CLSPN: variants seen among roughly 807,000 people sequenced by gnomAD.
CLSPN encodes the protein claspin homolog.
In CLSPN, 85 loss-of-function variants were observed where a neutral mutation model predicts 156.3. The observed-to-expected ratio is 0.54, with a 90% CI of 0.46 to 0.65. CLSPN has a LOEUF of 0.65. Ranked by LOEUF, CLSPN falls within the 30% of genes least tolerant of loss-of-function variation. The pLI is 0.00. For missense variants in CLSPN, 1,407 were observed against 1,554.9 expected (o/e 0.90, Z 1.60); for synonymous variants, 534 against 542.4 (o/e 0.98, Z 0.22).
intron 10 of CLSPN, 108 bp from the exon 11 acceptor site, chr1:35,749,919 AT>A (rs1220271216): frequency 7.0e-6 from 9 of 1,279,620 alleles, no homozygotes; most frequent in Non-Finnish European, 9.5e-6. Flanking sequence ...CACATCTTAA[AT>A]TCAAAAAGGT....
intron 21 of CLSPN, 38 bp from the exon 22 acceptor site, chr1:35,738,135 T>G: frequency 1.7e-6 from 1 of 596,946 alleles, no homozygotes; most frequent in Non-Finnish European, 2.3e-6. Flanking sequence ...TATATATATA[T>G]ATATACAGCA....
At position 35,738,099 on chromosome 1, in the gene CLSPN, T is replaced by C. The variant is rs768307795; in HGVS notation, c.3559-2A>G. ...AGCTGTAATTTTCCCCTGCTGTGCC[T>C]GAAAAAAAAAAAAAATATATATATA... On this transcript the variant is annotated splice_acceptor_variant, in intron 21 of 24. Coordinates refer to ENST00000318121, the MANE Select transcript of CLSPN (RefSeq NM_022111.4). LOFTEE classifies it high-confidence loss of function. 7.5e-6 allele frequency: 5 copies of C among 666,962 alleles called. No individual in the cohort carries two copies. Among genetic ancestry groups the C allele is most frequent in the Non-Finnish European group, 8.0e-6 (4 of 497,038 alleles). 41.3% of individuals were successfully genotyped at this position (666,962 alleles called of 1,614,324 possible).
At chr1:35,762,342 A>G in intron 5 of CLSPN, 62 bp downstream of exon 5, 1 of 1,353,730 alleles carries the variant, frequency 7.4e-7, no homozygotes, top group African/African-American at 1.5e-5. Context: ...TTTATCCCTA[A>G]GAAATCTATA....
chr1:35,769,821 C>T (rs1373600399), intron 1 of CLSPN, 26 bp downstream of exon 1: 2 of 1,591,642 alleles, frequency 1.3e-6, no homozygotes, highest in Middle Eastern at 1.7e-4. Context: ...TCTAAGCCCC[C>T]GTGGGGGGCG....
intron 10 of CLSPN, among the ~76,000 whole-genome samples, chr1:35,750,262 A>G (rs949187286): frequency 3.3e-5 from 5 of 151,946 alleles, no homozygotes; most frequent in African/African-American, 1.2e-4. Context: ...GGAGGCCACA[A>G]CGATGGGAGG....
intron 8 of CLSPN, among the ~76,000 whole-genome samples, chr1:35,759,026 G>A (rs184446026): frequency 1.2e-4 from 19 of 152,262 alleles, no homozygotes; most frequent in African/African-American, 4.3e-4. Flanking sequence ...TCAAATCCTG[G>A]TCTTGCTACA....
rs1641364098 is a variant in CLSPN at position 35,733,319 on chromosome 1, T to TC, written c.*3176dup. The TC allele has an allele frequency of 5.1e-6, 1 of 196,710 alleles. No homozygotes were observed. The highest frequency in any genetic ancestry group is 2.6e-5 in the African/African-American group (1 of 39,034). 12.2% of individuals were successfully genotyped at this position (196,710 alleles called of 1,614,324 possible). On this transcript the variant is annotated 3_prime_UTR_variant, in exon 25 of 25. Coordinates refer to ENST00000318121, the MANE Select transcript of CLSPN (RefSeq NM_022111.4). ...TCAGGCACTAATTTTCTTTTTTTTT[T>TC]CTTTTTTTTTTTTTTTTTAGAGTTG...
Position 35,765,300 on chromosome 1 carries a change from G to C in CLSPN, c.51C>G (p.Asn17Lys). The C allele has an allele frequency of 6.2e-7, 1 of 1,613,200 alleles. No individual in the cohort carries two copies. The highest frequency in any genetic ancestry group is 1.1e-5 in the South Asian group (1 of 91,052). ...SEVHLEINDPNVISQEEADSP... is the reference protein window; with the variant it reads ...SEVHLEINDPKVISQEEADSP... Reference sequence around the variant, plus strand: ...TATCTGCTTCCTCTTGTGAAATGACGTTTGGGTCATTGATTTCTAGGTGAA... The same window carrying C: ...TATCTGCTTCCTCTTGTGAAATGACCTTTGGGTCATTGATTTCTAGGTGAA... The change falls in exon 2 of 25, where the codon AAC becomes AAG. Residue 17 changes from asparagine to lysine, a missense_variant. This residue lies in a region of CLSPN where 1,096 missense variants were observed against 1,193.0 expected (regional missense o/e 0.92). Coordinates refer to ENST00000318121, the MANE Select transcript of CLSPN (RefSeq NM_022111.4).
intron 16 of CLSPN, among the ~76,000 whole-genome samples, chr1:35,744,194 T>C (rs1641794215): frequency 6.6e-6 from 1 of 152,230 alleles, no homozygotes; most frequent in Non-Finnish European, 1.5e-5. Context: ...CTCTATGCAT[T>C]TGACTACTCT....
downstream of CLSPN, among the ~76,000 whole-genome samples, chr1:35,731,115 G>T (rs1641305898): frequency 6.6e-6 from 1 of 151,178 alleles, no homozygotes; most frequent in South Asian, 2.1e-4. Context: ...CAGGAGAATC[G>T]CCTGAACCCG....
chr1:35,753,443 A>G (rs773258059), intron 9 of CLSPN, among the ~76,000 whole-genome samples: 3 of 152,128 alleles, frequency 2.0e-5, no homozygotes, highest in Non-Finnish European at 4.4e-5. Flanking sequence ...GTTTAAAAGG[A>G]TACACGATAT....
Position 35,746,035 on chromosome 1 carries a change from T to A in CLSPN, c.2855-473A>T, listed in dbSNP as rs1253114178. 6.6e-6 allele frequency among the ~76,000 whole-genome samples: 1 copy of A among 151,816 alleles called. No individual in the cohort carries two copies. The highest frequency in any genetic ancestry group is 1.5e-5 in the Non-Finnish European group (1 of 67,970). ...ATCTCGGCTCACTGCAACCTCCACC[T>A]CCGGGGTTCAAGCAGTTCTCCTGTC... On this transcript the variant is annotated intron_variant, in intron 15 of 24. Coordinates refer to ENST00000318121, the MANE Select transcript of CLSPN (RefSeq NM_022111.4). This position sits in a 1 kb window ranked among gnomAD's most constrained non-coding sequence, Gnocchi z 4.2.
chr1:35,760,242 T>G, intron 8 of CLSPN, 100 bp downstream of exon 8: 1 of 887,958 alleles, frequency 1.1e-6, no homozygotes, highest in Non-Finnish European at 1.7e-6. Context: ...TCAAAGTGGT[T>G]ATTGGTTCCT....
At chr1:35,736,704 A>T in intron 24 of CLSPN, 98 bp from the exon 25 acceptor site, 1 of 1,472,046 alleles carries the variant, frequency 6.8e-7, no homozygotes, top group East Asian at 2.3e-5. Flanking sequence ...TGGATGATTA[A>T]CAACAGAAAA....
intron 8 of CLSPN, among the ~76,000 whole-genome samples, chr1:35,758,594 G>A (rs1308572069): frequency 4.0e-5 from 6 of 151,854 alleles, no homozygotes; most frequent in African/African-American, 7.3e-5. Flanking sequence ...GCAGTGAGCC[G>A]AGATCGCAGC....
intron 24 of CLSPN, among the ~76,000 whole-genome samples, chr1:35,725,421 C>T (rs781423644): frequency 2.6e-5 from 4 of 152,260 alleles, no homozygotes; most frequent in South Asian, 2.1e-4. Flanking sequence ...GTAAGCTAGA[C>T]GGAGAAGCTG....
intron 8 of CLSPN, among the ~76,000 whole-genome samples, chr1:35,754,430 C>A (rs1489686933): frequency 6.6e-6 from 1 of 151,982 alleles, no homozygotes; most frequent in Non-Finnish European, 1.5e-5. Flanking sequence ...CTGCAACCTC[C>A]ATCTCCAGGG....
At chr1:35,730,122 T>C (rs1317093589), downstream of CLSPN, among the ~76,000 whole-genome samples, 1 of 152,246 alleles carries the variant, frequency 6.6e-6, no homozygotes, top group African/African-American at 2.4e-5. Context: ...CCAGGCATGG[T>C]GCTACCCAAA....
At chr1:35,769,244 A>G (rs1247075885) in intron 1 of CLSPN, among the ~76,000 whole-genome samples, 2 of 152,182 alleles carry the variant, frequency 1.3e-5, no homozygotes, top group Non-Finnish European at 2.9e-5. Context: ...TCCGGCCCAG[A>G]AAGGACACAG....
Sources: allele counts gnomAD v4.1 joint callset (sites outside exome capture counted in the v4.1 genomes callset), GRCh38; gene constraint gnomAD v4.1.1; regional missense constraint gnomAD v4.1.1; non-coding constraint Gnocchi (gnomAD v3.1); transcripts MANE v1.5; gene names NCBI Gene and HGNC (gene_info 2026-07-23, HGNC 2026-07-21).